ACOXL: variants seen among roughly 807,000 people sequenced by gnomAD.
ACOXL encodes the protein acyl-coenzyme A oxidase-like protein.
In ACOXL, 70 loss-of-function variants were observed where a neutral mutation model predicts 71.9. The ratio of observed to expected loss-of-function variants is 0.97; its 90% CI spans 0.80 to 1.19. ACOXL has a LOEUF of 1.19. ACOXL is among the 50% of genes most tolerant of loss of function. ACOXL has a pLI of 0.00. For synonymous variants in ACOXL, 253 were observed against 281.6 expected (o/e 0.90, Z 1.02); for missense variants, 703 against 736.3 (o/e 0.95, Z 0.52).
intron 11 of ACOXL, among the ~76,000 whole-genome samples, chr2:110,921,138 A>C (rs190832936): frequency 4.6e-5 from 7 of 152,208 alleles, no homozygotes; most frequent in Non-Finnish European, 1.5e-5. Context: ...CTGTGGGATC[A>C]GTGCGATTTC....
intron 7 of ACOXL, among the ~76,000 whole-genome samples, chr2:110,801,220 G>A (rs189302082): frequency 1.3e-5 from 2 of 152,282 alleles, no homozygotes; most frequent in East Asian, 3.9e-4. Flanking sequence ...GTGTGCAGAC[G>A]AGAGAGCACT....
chr2:110,759,399 C>T (rs887329858), intron 1 of ACOXL, among the ~76,000 whole-genome samples: 1 of 152,122 alleles, frequency 6.6e-6, no homozygotes, highest in Non-Finnish European at 1.5e-5. Flanking sequence ...GTTGGCTCTT[C>T]TTGTTGAATT....
chr2:110,909,042 A>G (rs1428320876), intron 11 of ACOXL, 137 bp downstream of exon 11: 7 of 627,488 alleles, frequency 1.1e-5, no homozygotes, highest in Admixed American at 3.4e-5. Flanking sequence ...TCGGATGCCC[A>G]GGTTAAAAGC....
At chr2:110,910,117 T>C (rs543635845) in intron 11 of ACOXL, among the ~76,000 whole-genome samples, 2 of 152,258 alleles carry the variant, frequency 1.3e-5, no homozygotes, top group African/African-American at 4.8e-5. Context: ...TCCCCAAAAG[T>C]TCCCTCTGGC....
intron 10 of ACOXL, among the ~76,000 whole-genome samples, chr2:110,867,571 G>T (rs1367719490): frequency 1.3e-5 from 2 of 152,150 alleles, no homozygotes; most frequent in Non-Finnish European, 2.9e-5. Flanking sequence ...TGAATAATCG[G>T]TCTGAAAGGA....
chr2:110,817,582 C>G (rs536734577), intron 9 of ACOXL, among the ~76,000 whole-genome samples: 1 of 152,134 alleles, frequency 6.6e-6, no homozygotes, highest in Admixed American at 6.5e-5. Flanking sequence ...CCAACCTGGC[C>G]CATGAGAGAT....
rs116796501 is a variant in ACOXL, at chr2:110,753,136, C to T, written c.-22-15232C>T. 1.4e-3 allele frequency among the ~76,000 whole-genome samples: 212 copies of T among 152,170 alleles called. 1 individual carries two copies. The highest frequency in any genetic ancestry group is 3.4e-3 in the Middle Eastern group (1 of 294). On this transcript the variant is annotated intron_variant, in intron 1 of 17. Coordinates refer to ENST00000439055, the MANE Select transcript of ACOXL (RefSeq NM_001142807.4). Reference sequence around the variant, plus strand: ...ACTTGAGAGCTGGTTGTTTAAATGACTCTGGCACCTCCTCCTCTCTTTCTT... The same window carrying T: ...ACTTGAGAGCTGGTTGTTTAAATGATTCTGGCACCTCCTCCTCTCTTTCTT...
At position 111,088,795 on chromosome 2, in the gene ACOXL, C is replaced by CA. The variant is rs557402727; in HGVS notation, c.1441-4062dup. ...CCTAAAATAAAAGTTAAAACAAAAA[C>CA]AAAAAAAAGTAGATATGGGAAACTA... On this transcript the variant is annotated intron_variant, in intron 16 of 17. Coordinates refer to ENST00000439055, the MANE Select transcript of ACOXL (RefSeq NM_001142807.4). Among the ~76,000 whole-genome samples the CA allele has an allele frequency of 2.1e-4, 31 of 150,878 alleles. 1 individual carries two copies. In the South Asian group the frequency reaches 5.0e-3, roughly 24 times the overall value.
intron 9 of ACOXL, among the ~76,000 whole-genome samples, chr2:110,809,673 G>C (rs572829149): frequency 6.6e-6 from 1 of 152,212 alleles, no homozygotes; most frequent in Non-Finnish European, 1.5e-5. Flanking sequence ...CTGTTGATGG[G>C]GGTTTGAAAT....
intron 13 of ACOXL, among the ~76,000 whole-genome samples, chr2:110,993,579 A>G (rs1274981068): frequency 6.6e-6 from 1 of 152,228 alleles, no homozygotes; most frequent in South Asian, 2.1e-4. Context: ...TGTGAGTAGA[A>G]CCGCTATGAG....
At chr2:110,835,884 T>C (rs1007171522) in intron 9 of ACOXL, among the ~76,000 whole-genome samples, 1 of 152,176 alleles carries the variant, frequency 6.6e-6, no homozygotes. Flanking sequence ...GGGAGACTGA[T>C]ACTGCTGGTC....
intron 15 of ACOXL, among the ~76,000 whole-genome samples, chr2:111,042,990 A>G (rs2149799783): frequency 6.6e-6 from 1 of 152,320 alleles, no homozygotes; most frequent in Admixed American, 6.5e-5. Context: ...GTCCCTTGGG[A>G]AGTGCTGAGA....
At chr2:110,947,917 C>T (rs757012388) in intron 12 of ACOXL, among the ~76,000 whole-genome samples, 56 of 152,362 alleles carry the variant, frequency 3.7e-4, no homozygotes, top group Admixed American at 1.4e-3. Context: ...TGGCCAGGGC[C>T]GGTGCCCTCC....
At chr2:111,101,761 T>C (rs1465741656) in intron 17 of ACOXL, 3 of 152,562 alleles carry the variant, frequency 2.0e-5, no homozygotes, top group African/African-American at 7.2e-5. Flanking sequence ...AACCCCTGGC[T>C]GTGTCATCCT....
In ACOXL at chr2:110,879,044, G is replaced by A. The variant is rs1437074946; in HGVS notation, c.789-29745G>A. 4.1e-5 allele frequency among the ~76,000 whole-genome samples: 6 copies of A among 145,914 alleles called. No individual in the cohort carries two copies. The Admixed American group carries it at 4.1e-4, about 10-fold the overall frequency. ...TACCCTCCAGCCTGGGCGACAGGGC[G>A]AGGCTCCGTTAAAAAAAAAAAAAAA... On this transcript the variant is annotated intron_variant, in intron 10 of 17. Coordinates refer to ENST00000439055, the MANE Select transcript of ACOXL (RefSeq NM_001142807.4).
chr2:111,032,427 C>T (rs900754476), intron 15 of ACOXL, among the ~76,000 whole-genome samples: 2 of 152,100 alleles, frequency 1.3e-5, no homozygotes, highest in African/African-American at 2.4e-5. Context: ...TGGCTTCAGT[C>T]GACCAAAATA....
chr2:110,868,870 C>T (rs1372568318), intron 10 of ACOXL, among the ~76,000 whole-genome samples: 1 of 152,198 alleles, frequency 6.6e-6, no homozygotes. Context: ...GGATTGCAGG[C>T]GTGAGCCACT....
At chr2:110,937,111 G>A (rs542984557) in intron 12 of ACOXL, among the ~76,000 whole-genome samples, 2 of 152,294 alleles carry the variant, frequency 1.3e-5, no homozygotes, top group South Asian at 4.1e-4. Context: ...GCATAGGCAT[G>A]ATCAATTATT....
intron 10 of ACOXL, among the ~76,000 whole-genome samples, chr2:110,869,501 C>T (rs989182923): frequency 1.2e-4 from 19 of 152,138 alleles, no homozygotes; most frequent in African/African-American, 4.1e-4. Flanking sequence ...AGCTTCCTGG[C>T]GGGGATGTAT....
Sources: gnomAD v4.1 joint callset for allele counts (sites outside exome capture counted in the v4.1 genomes callset) on GRCh38, gnomAD v4.1.1 for gene constraint, MANE v1.5 for transcripts, NCBI Gene and HGNC (gene_info 2026-07-23, HGNC 2026-07-21) for gene names.